The following PELI1 variants were observed in gnomAD, a reference collection of about 807,000 sequenced individuals.
The protein encoded by PELI1 is E3 ubiquitin-protein ligase pellino homolog 1.
In PELI1, 15 loss-of-function variants were observed where a neutral mutation model predicts 41.3. The ratio of observed to expected loss-of-function variants is 0.36; its 90% CI spans 0.24 to 0.56. PELI1 has a LOEUF of 0.56. Ranked by LOEUF, PELI1 falls within the 20% of genes least tolerant of loss-of-function variation. The probability of loss-of-function intolerance (pLI) is 0.82; values close to 1 mark genes in which losing one functional copy is unlikely to be tolerated. For missense variants in PELI1, 403 were observed against 525.5 expected (o/e 0.77, Z 2.28); for synonymous variants, 178 against 180.1 (o/e 0.99, Z 0.09).
At chr2:64,100,362 G>T in intron 4 of PELI1, 36 bp downstream of exon 4, 4 of 1,096,782 alleles carry the variant, frequency 3.6e-6, no homozygotes, top group East Asian at 4.8e-5. Flanking sequence ...TAACTTTTTC[G>T]TTTCTTAAGA....
chr2:64,115,434 C>T (rs1680960790), intron 1 of PELI1, among the ~76,000 whole-genome samples: 1 of 152,120 alleles, frequency 6.6e-6, no homozygotes, highest in Non-Finnish European at 1.5e-5. Context: ...GGTAATTAGC[C>T]AAATGCTTTC....
chr2:64,128,362 GTAATAA>G (rs140828531), intron 1 of PELI1, among the ~76,000 whole-genome samples: 8 of 151,952 alleles, frequency 5.3e-5, no homozygotes, highest in Non-Finnish European at 8.8e-5. Flanking sequence ...TTTCAATCAT[GTAATAA>G]TAATAATAGT....
rs1397912076 is a variant in PELI1 at position 64,092,775 on chromosome 2, T to A, written c.*1927A>T. The A allele has an allele frequency of 6.6e-6, 1 of 150,964 alleles. No homozygotes were observed. The highest frequency in any genetic ancestry group is 1.5e-5 in the Non-Finnish European group (1 of 67,944). The allele number at this position is 150,964 out of a possible 1,614,324, so 9.4% of individuals were successfully genotyped here. ...ATTTCAAATGAGTATTTTTGGAGTG[T>A]GGAATAGAGTTGTTCACAGTTTTCA... On this transcript the variant is annotated 3_prime_UTR_variant, in exon 7 of 7. Coordinates refer to ENST00000358912, the MANE Select transcript of PELI1 (RefSeq NM_020651.4).
chr2:64,110,993 A>T (rs1218509906), intron 1 of PELI1, among the ~76,000 whole-genome samples: 1 of 152,024 alleles, frequency 6.6e-6, no homozygotes, highest in South Asian at 2.1e-4. Flanking sequence ...ATCAGCCGGA[A>T]AATCACACAA....
At chr2:64,108,140 G>A in intron 2 of PELI1, 100 bp downstream of exon 2, 1 of 665,606 alleles carries the variant, frequency 1.5e-6, no homozygotes, top group Non-Finnish European at 2.7e-6. Flanking sequence ...TTTGGAAGCA[G>A]GTAAGATATA....
At chr2:64,123,526 GA>G in intron 1 of PELI1, among the ~76,000 whole-genome samples, 1 of 152,226 alleles carries the variant, frequency 6.6e-6, no homozygotes, top group South Asian at 2.1e-4. Context: ...CTCCAAAGAA[GA>G]TATACAAATA....
At chr2:64,142,945 T>C (rs1277239026) in intron 1 of PELI1, among the ~76,000 whole-genome samples, 1 of 152,210 alleles carries the variant, frequency 6.6e-6, no homozygotes, top group Non-Finnish European at 1.5e-5. Context: ...TGACCTTTTC[T>C]TATATATAAA....
chr2:64,143,507 C>G (rs1370116753), intron 1 of PELI1: 1 of 152,060 alleles, frequency 6.6e-6, no homozygotes, highest in African/African-American at 2.4e-5. Flanking sequence ...CTTAGGGAAA[C>G]GGGCGTATTA....
chr2:64,107,103 A>AT (rs201164028), intron 2 of PELI1, among the ~76,000 whole-genome samples: 2,386 of 151,842 alleles, frequency 0.016, 61 homozygotes, highest in African/African-American at 0.054. Flanking sequence ...TAATTTTTGT[A>AT]TTTTTAGTGA....
rs559983934 is a variant in PELI1 at position 64,105,440 on chromosome 2, T to C, written c.72-610A>G. Among the ~76,000 whole-genome samples the C allele has an allele frequency of 1.2e-3, 186 of 151,434 alleles. 2 individuals are homozygous for C. The Middle Eastern group carries it at 0.014, about 11-fold the overall frequency. On this transcript the variant is annotated intron_variant, in intron 2 of 6. Transcript: ENST00000358912. ...ACCATTTCTCCATAACATGTACACA[T>C]ACACACACACACACATATACATCCT...
intron 1 of PELI1, among the ~76,000 whole-genome samples, chr2:64,110,797 C>T (rs549934803): frequency 4.6e-5 from 7 of 152,022 alleles, no homozygotes; most frequent in African/African-American, 1.2e-4. Flanking sequence ...CGTGGTGGCA[C>T]GTGCCTGTAG....
At chr2:64,112,020 G>A (rs1441031606) in intron 1 of PELI1, among the ~76,000 whole-genome samples, 7 of 151,908 alleles carry the variant, frequency 4.6e-5, no homozygotes, top group Admixed American at 4.6e-4. Context: ...TAATAACGTT[G>A]CTTTGTTTTG....
chr2:64,101,824 A>ATTTT (rs34370706), intron 3 of PELI1, among the ~76,000 whole-genome samples: 3 of 121,122 alleles, frequency 2.5e-5, no homozygotes, highest in African/African-American at 6.4e-5. Context: ...TTTGCTTCTG[A>ATTTT]TTTTTTTTTT....
chr2:64,119,294 C>T (rs1006247088), intron 1 of PELI1, among the ~76,000 whole-genome samples: 8 of 152,294 alleles, frequency 5.3e-5, no homozygotes, highest in Admixed American at 3.9e-4. Context: ...ATGAATTATG[C>T]TTCAAATTAT....
Position 64,094,281 on chromosome 2 carries a change from T to C in PELI1, c.*421A>G, listed in dbSNP as rs1192255600. 1.3e-5 allele frequency: 2 copies of C among 159,964 alleles called. No homozygotes were observed. Among genetic ancestry groups the C allele is most frequent in the Non-Finnish European group, 2.8e-5 (2 of 72,538 alleles). The allele number at this position is 159,964 out of a possible 1,614,324, so 9.9% of individuals were successfully genotyped here. On this transcript the variant is annotated 3_prime_UTR_variant, in exon 7 of 7. Coordinates refer to ENST00000358912, the MANE Select transcript of PELI1 (RefSeq NM_020651.4). ...GAACATTCTAAGGTATTTTCTATAA[T>C]AAAGATAAATAGAAAAAAGTTAATA...
At chr2:64,115,249 G>A (rs1029779690) in intron 1 of PELI1, among the ~76,000 whole-genome samples, 2 of 152,200 alleles carry the variant, frequency 1.3e-5, no homozygotes, top group African/African-American at 4.8e-5. Context: ...GTAGCCTGCT[G>A]TTTAGAGAAA....
chr2:64,142,900 T>A (rs1681959643), intron 1 of PELI1, among the ~76,000 whole-genome samples: 2 of 152,110 alleles, frequency 1.3e-5, no homozygotes, highest in African/African-American at 4.8e-5. Flanking sequence ...TTTTGCAGAG[T>A]AAGAAAAAGT....
At chr2:64,109,447 G>A (rs998715542) in intron 1 of PELI1, among the ~76,000 whole-genome samples, 7 of 152,110 alleles carry the variant, frequency 4.6e-5, no homozygotes, top group Admixed American at 2.0e-4. Context: ...TTGGGAGGTC[G>A]AGGCAGGCGG....
At position 64,103,995 on chromosome 2, in the gene PELI1, C is replaced by T. The variant is rs142219881; in HGVS notation, c.201+706G>A. Among the ~76,000 whole-genome samples the T allele has an allele frequency of 8.5e-4, 129 of 152,316 alleles. 1 individual carries two copies. Among genetic ancestry groups the T allele is most frequent in the Admixed American group, 2.9e-3 (45 of 15,294 alleles). On this transcript the variant is annotated intron_variant, in intron 3 of 6. Coordinates refer to ENST00000358912, the MANE Select transcript of PELI1 (RefSeq NM_020651.4). The stretch of plus-strand genomic sequence containing the variant: ...AAGATGTGAAATTCCCCCTCCTTGT[C>T]TGTCACTCTAGGAAAAGCCCAAGTA...
Sources: allele counts gnomAD v4.1 joint callset (sites outside exome capture counted in the v4.1 genomes callset), GRCh38; gene constraint gnomAD v4.1.1; transcripts MANE v1.5; gene names NCBI Gene and HGNC (gene_info 2026-07-23, HGNC 2026-07-21).